SLC2A12: variants seen among roughly 807,000 people sequenced by gnomAD.
SLC2A12 encodes solute carrier family 2 member 12.
In SLC2A12, 23 loss-of-function variants were observed where a neutral mutation model predicts 41.8. That is an observed-to-expected ratio of 0.55 (90% CI 0.40 to 0.78). The LOEUF is 0.78. Among genes scored for constraint, SLC2A12 ranks in the 30% least tolerant of loss-of-function variants. SLC2A12 has a pLI of 0.00. For missense variants in SLC2A12, 654 were observed against 745.6 expected (o/e 0.88, Z 1.43); for synonymous variants, 295 against 285.9 (o/e 1.03, Z -0.32).
At chr6:134,006,176 G>GTAAAAAAAAAAAAA in intron 3 of SLC2A12, among the ~76,000 whole-genome samples, 1 of 61,772 alleles carries the variant, frequency 1.6e-5, no homozygotes, top group Admixed American at 2.2e-4. Flanking sequence ...GAGACTATCG[G>GTAAAAAAAAAAAAA]AAAAAAAAAA....
At chr6:134,006,185 AAAAAAAAC>A (rs1433282831) in intron 3 of SLC2A12, among the ~76,000 whole-genome samples, 1 of 139,724 alleles carries the variant, frequency 7.2e-6, no homozygotes, top group Non-Finnish European at 1.6e-5. Flanking sequence ...GGAAAAAAAA[AAAAAAAAC>A]AAAAAAAAAA....
chr6:134,002,108 A>G lies in SLC2A12; in HGVS notation c.1589T>C (p.Val530Ala), dbSNP rs1213221498. ...TVTDLIGLPWVCFIYTIMSLA... is the reference protein window; with the variant it reads ...TVTDLIGLPWACFIYTIMSLA... ...ACTCATGATTGTATATATAAAGCAC[A>G]CCCATGGCAGGCCAATAAGATCTAT... Residue 530 changes from valine to alanine, a missense_variant, in exon 4 of 5, where the codon GTG (valine) becomes GCG (alanine). This residue lies in a region of SLC2A12 where 134 missense variants were observed against 180.5 expected (regional missense o/e 0.74). Transcript: ENST00000275230. 11 of 1,598,540 alleles carry G rather than the reference A, an allele frequency of 6.9e-6. No homozygotes were observed. Among genetic ancestry groups the G allele is most frequent in the Non-Finnish European group, 7.7e-6 (9 of 1,175,846 alleles).
chr6:134,032,083 A>T (rs1390700316), intron 1 of SLC2A12, among the ~76,000 whole-genome samples: 1 of 152,112 alleles, frequency 6.6e-6, no homozygotes, highest in Non-Finnish European at 1.5e-5. Context: ...TATAGTTAAA[A>T]ATGCTATTCA....
intron 4 of SLC2A12, among the ~76,000 whole-genome samples, chr6:133,997,085 C>CAAAAAAAAAAAAA (rs58295985): frequency 3.7e-4 from 26 of 70,638 alleles, no homozygotes; most frequent in African/African-American, 6.1e-4. Context: ...ACTAAAAATA[C>CAAAAAAAAAAAAA]AAAAAAAAAA....
At chr6:134,006,162 G>C (rs1467577784) in intron 3 of SLC2A12, among the ~76,000 whole-genome samples, 1 of 119,738 alleles carries the variant, frequency 8.4e-6, no homozygotes, top group Non-Finnish European at 1.6e-5. Context: ...CTGGGCAACA[G>C]AGAGAGACTA....
Position 133,987,660 on chromosome 6 carries a change from A to ATATATATATATATATATG in SLC2A12, c.*3494_*3495insCATATATATATATATATA, listed in dbSNP as rs1014795332. 1.6e-4 allele frequency: 23 copies of ATATATATATATATATATG among 145,008 alleles called. No homozygotes were observed. The highest frequency in any genetic ancestry group is 9.3e-4 in the Admixed American group (13 of 14,032). The allele number at this position is 145,008 out of a possible 1,614,324, so 9.0% of individuals were successfully genotyped here. ...TGTGTGTGTGTGTGTATATATATATATATATATGCACCACATGTGTATAGT... is the reference window on the plus strand; with the variant it reads ...TGTGTGTGTGTGTGTATATATATATATATATATATATATATATGTATATATGCACCACATGTGTATAGT... On this transcript the variant is annotated 3_prime_UTR_variant, in exon 5 of 5. Transcript: ENST00000275230.
rs1776604626 is a variant in SLC2A12, at chr6:133,990,398, T to C, written c.*757A>G. ...CCTTTTCTAATGTTTTACTAACAGCTACTTCTAAATAAATATGGTCCCAGG... is the reference window on the plus strand; with the variant it reads ...CCTTTTCTAATGTTTTACTAACAGCCACTTCTAAATAAATATGGTCCCAGG... On this transcript the variant is annotated 3_prime_UTR_variant, in exon 5 of 5. Transcript: ENST00000275230. 2 of 152,668 alleles carry C rather than the reference T, an allele frequency of 1.3e-5. No individual in the cohort carries two copies. The highest frequency in any genetic ancestry group is 4.8e-5 in the African/African-American group (2 of 41,462). 9.5% of individuals were successfully genotyped at this position (152,668 alleles called of 1,614,324 possible). A position where few individuals can be genotyped will look rare whatever the true frequency, so the allele number is the denominator to read the frequency against.
Position 133,993,822 on chromosome 6 carries a change from T to C in SLC2A12, c.1701-2514A>G, listed in dbSNP as rs553096813. On this transcript the variant is annotated intron_variant, in intron 4 of 4. Coordinates refer to ENST00000275230, the MANE Select transcript of SLC2A12 (RefSeq NM_145176.3). Reference sequence around the variant, plus strand: ...GTGCCACGATCTGGAGCCTTGAGCATGCTTGATGTGTCTGGGATGCAGCCT... The same window carrying C: ...GTGCCACGATCTGGAGCCTTGAGCACGCTTGATGTGTCTGGGATGCAGCCT... Among the ~76,000 whole-genome samples, 4 of 152,268 alleles carry C rather than the reference T, an allele frequency of 2.6e-5. No individual in the cohort carries two copies. In the East Asian group the frequency reaches 7.7e-4, roughly 29 times the overall value.
At chr6:134,000,418 C>A (rs563294895) in intron 4 of SLC2A12, among the ~76,000 whole-genome samples, 9 of 152,310 alleles carry the variant, frequency 5.9e-5, no homozygotes, top group Admixed American at 5.2e-4. Flanking sequence ...TACCTACTAA[C>A]AATTCACCTA....
At chr6:133,995,390 G>C (rs1360545306) in intron 4 of SLC2A12, among the ~76,000 whole-genome samples, 1 of 152,010 alleles carries the variant, frequency 6.6e-6, no homozygotes, top group Admixed American at 6.6e-5. Context: ...TTCCTACATA[G>C]GCCCTGGAGG....
At chr6:134,004,049 G>A (rs545696622) in intron 3 of SLC2A12, among the ~76,000 whole-genome samples, 1 of 152,268 alleles carries the variant, frequency 6.6e-6, no homozygotes, top group East Asian at 1.9e-4. Context: ...TTTTTAAGTG[G>A]ATCTGTTTTC....
rs1224997983 is a variant in SLC2A12 at position 134,039,829 on chromosome 6, T to C, written c.104-10108A>G. Among the ~76,000 whole-genome samples, 5 of 152,198 alleles carry C rather than the reference T, an allele frequency of 3.3e-5. No homozygotes were observed. The Middle Eastern group carries it at 0.01, about 311-fold the overall frequency. On this transcript the variant is annotated intron_variant, in intron 1 of 4. Transcript: ENST00000275230. ...GACTCTGAATTCAGATAAGATCTGG[T>C]GGTTTAAAAGTGTGTGGCCCCTCTC...
intron 2 of SLC2A12, among the ~76,000 whole-genome samples, chr6:134,013,257 A>T (rs982224627): frequency 2.6e-5 from 4 of 152,102 alleles, no homozygotes; most frequent in African/African-American, 9.7e-5. Context: ...ATTGCACTCC[A>T]GCCTGGGTGA....
chr6:134,022,538 G>GAA (rs1259064551), intron 2 of SLC2A12, among the ~76,000 whole-genome samples: 4 of 8,598 alleles, frequency 4.7e-4, no homozygotes, highest in African/African-American at 4.2e-3. Flanking sequence ...TCTCAAAAAA[G>GAA]AAAAGAAAAG....
chr6:134,032,792 T>TTTTA (rs1554208476), intron 1 of SLC2A12, among the ~76,000 whole-genome samples: 4 of 138,024 alleles, frequency 2.9e-5, no homozygotes, highest in African/African-American at 1.1e-4. Context: ...TATATATATA[T>TTTTA]TATATATATA....
intron 1 of SLC2A12, among the ~76,000 whole-genome samples, chr6:134,040,086 GT>G (rs1224399817): frequency 1.6e-5 from 2 of 122,294 alleles, no homozygotes; most frequent in Non-Finnish European, 1.8e-5. Flanking sequence ...TTTGTTTTTT[GT>G]TTTTTTTGAG....
intron 3 of SLC2A12, among the ~76,000 whole-genome samples, chr6:134,002,871 C>T (rs1193597393): frequency 3.3e-5 from 5 of 152,104 alleles, no homozygotes; most frequent in African/African-American, 7.2e-5. Flanking sequence ...TTCCTCTGAC[C>T]GCTTCCAGCC....
chr6:133,992,998 C>T (rs1562188543), intron 4 of SLC2A12, among the ~76,000 whole-genome samples: 1 of 152,178 alleles, frequency 6.6e-6, no homozygotes, highest in Non-Finnish European at 1.5e-5. Flanking sequence ...CCTCTCATTC[C>T]GCTGAGCCTG....
chr6:134,044,559 C>T (rs1777429674), intron 1 of SLC2A12, among the ~76,000 whole-genome samples: 1 of 151,702 alleles, frequency 6.6e-6, no homozygotes. Context: ...ACTAAAAATA[C>T]AAAAATTAGC....
Sources: allele counts gnomAD v4.1 joint callset (sites outside exome capture counted in the v4.1 genomes callset), GRCh38; gene constraint gnomAD v4.1.1; regional missense constraint gnomAD v4.1.1; transcripts MANE v1.5; gene names NCBI Gene and HGNC (gene_info 2026-07-23, HGNC 2026-07-21).